NTM: variants seen among roughly 807,000 people sequenced by gnomAD.
NTM encodes IgLON family member 2.
In NTM, 13 loss-of-function variants were observed where a neutral mutation model predicts 42.1. That is an observed-to-expected ratio of 0.31 (90% CI 0.20 to 0.49). The LOEUF is 0.49. Among genes scored for constraint, NTM ranks in the 20% least tolerant of loss-of-function variants. The pLI is 0.99. For synonymous variants in NTM, 187 were observed against 179.2 expected, an observed-to-expected ratio of 1.04 and a Z score of -0.35; for missense variants, 373 against 452.8, an observed-to-expected ratio of 0.82 and a Z score of 1.60.
chr11:131,576,444 C>T (rs2057940247), intron 1 of NTM, among the ~76,000 whole-genome samples: 1 of 152,116 alleles, frequency 6.6e-6, no homozygotes, highest in Non-Finnish European at 1.5e-5. Context: ...TGCCTTCACC[C>T]ATTGTCTTAT....
rs561041109 is a variant in NTM at position 132,019,740 on chromosome 11, G to C, written c.167+108092G>C. Among the ~76,000 whole-genome samples, 3 of 151,944 alleles carry C rather than the reference G, an allele frequency of 2.0e-5. No individual in the cohort carries two copies. In the South Asian group the frequency reaches 6.2e-4, roughly 32 times the overall value. On this transcript the variant is annotated intron_variant, in intron 2 of 8. Transcript: ENST00000683400. ...TTGAATCTAACATGTAGAAACCTGA[G>C]ATTATTAAATATTTTAGATTTTTAG...
chr11:131,535,649 C>T (rs1445151228), intron 1 of NTM: 1 of 152,194 alleles, frequency 6.6e-6, no homozygotes, highest in East Asian at 1.9e-4. Context: ...GCAATTACCC[C>T]AAGAGGAGCT....
chr11:131,953,811 GA>G (rs1327948172), intron 2 of NTM, among the ~76,000 whole-genome samples: 1 of 152,094 alleles, frequency 6.6e-6, no homozygotes, highest in Admixed American at 6.5e-5. Flanking sequence ...ATGAAGAGGA[GA>G]AAAGGTAAAG....
chr11:132,169,359 G>A (rs1169074321), intron 3 of NTM, among the ~76,000 whole-genome samples: 1 of 36,376 alleles, frequency 2.7e-5, no homozygotes, highest in Non-Finnish European at 6.7e-5. Context: ...TTTTGGAGAT[G>A]GAGTCTCACT....
intron 3 of NTM, among the ~76,000 whole-genome samples, chr11:132,151,198 C>G (rs2071824173): frequency 6.6e-6 from 1 of 152,220 alleles, no homozygotes; most frequent in Admixed American, 6.5e-5. Context: ...ATACTACTGT[C>G]TCCATTGTTC....
Position 131,424,602 on chromosome 11 carries a change from T to TTTTTTTC in NTM, c.82+53720_82+53721insCTTTTTT, listed in dbSNP as rs1344454153. Among the ~76,000 whole-genome samples, 120 of 129,064 alleles carry TTTTTTTC rather than the reference T, an allele frequency of 9.3e-4. 5 individuals are homozygous for TTTTTTTC. The highest frequency in any genetic ancestry group is 4.0e-3 in the Middle Eastern group (1 of 252). 84.7% of individuals were successfully genotyped at this position (129,064 alleles called of 152,430 possible). ...TTGTTTTTTATTTCTTTTCTTTTCTTTTTTTTTTTTTTTTTTGGCGCAATC... is the reference window on the plus strand; with the variant it reads ...TTGTTTTTTATTTCTTTTCTTTTCTTTTTTTTCTTTTTTTTTTTTTTTTGGCGCAATC... On this transcript the variant is annotated intron_variant, in intron 1 of 8. Transcript: ENST00000683400.
At chr11:132,077,467 G>A (rs905326072) in intron 2 of NTM, among the ~76,000 whole-genome samples, 1 of 152,184 alleles carries the variant, frequency 6.6e-6, no homozygotes, top group Non-Finnish European at 1.5e-5. Flanking sequence ...GCCCTTAGAA[G>A]CCAGGAACTG....
intron 2 of NTM, among the ~76,000 whole-genome samples, chr11:132,127,144 C>T (rs1056142816): frequency 6.6e-6 from 1 of 152,176 alleles, no homozygotes; most frequent in Non-Finnish European, 1.5e-5. Flanking sequence ...TGGGTTGACT[C>T]TGCCCTCTGG....
intron 2 of NTM, among the ~76,000 whole-genome samples, chr11:132,006,940 C>T (rs2070924571): frequency 6.6e-6 from 1 of 152,172 alleles, no homozygotes; most frequent in Non-Finnish European, 1.5e-5. Context: ...TGAGAGGCAG[C>T]TACAAATGAC....
chr11:131,763,413 C>T (rs778592279), intron 1 of NTM, among the ~76,000 whole-genome samples: 5 of 152,200 alleles, frequency 3.3e-5, no homozygotes, highest in Non-Finnish European at 2.9e-5. Context: ...CAATGCAGGT[C>T]GTTGAAGAGT....
rs371837432 is a variant in NTM, at chr11:131,862,007, C to T, written c.83-49557C>T. Among the ~76,000 whole-genome samples the T allele has an allele frequency of 9.3e-4, 142 of 152,336 alleles. 1 individual carries two copies. The highest frequency in any genetic ancestry group is 3.0e-3 in the African/African-American group (125 of 41,590). ...AGCTCACCTGACTCTTCGTTGGCTG[C>T]TCTTAGTGCGGTCTCAAGGACCACA... On this transcript the variant is annotated intron_variant, in intron 1 of 8. Coordinates refer to ENST00000683400, the MANE Select transcript of NTM (RefSeq NM_001352005.2).
intron 3 of NTM, among the ~76,000 whole-genome samples, chr11:132,176,944 G>C (rs1187088840): frequency 6.6e-6 from 1 of 151,898 alleles, no homozygotes; most frequent in Non-Finnish European, 1.5e-5. Flanking sequence ...GGCCAGGCTG[G>C]TCTCGAACTC....
chr11:132,224,801 C>G (rs73040245), intron 4 of NTM, among the ~76,000 whole-genome samples: 11,033 of 152,270 alleles, frequency 0.072, 556 homozygotes, highest in Middle Eastern at 0.14. Context: ...CTGCCAGAAC[C>G]TGATGCTTGG....
chr11:132,017,918 C>T (rs1859189744), intron 2 of NTM, among the ~76,000 whole-genome samples: 1 of 151,890 alleles, frequency 6.6e-6, no homozygotes, highest in South Asian at 2.1e-4. Flanking sequence ...TCATGTTCGG[C>T]TTGTTTATTG....
chr11:131,647,321 G>T (rs1403282438), intron 1 of NTM, among the ~76,000 whole-genome samples: 2 of 152,222 alleles, frequency 1.3e-5, no homozygotes, highest in South Asian at 2.1e-4. Flanking sequence ...TAGCTGCGCG[G>T]ATGGACATCA....
intron 1 of NTM, among the ~76,000 whole-genome samples, chr11:131,740,655 GTCTCTC>G (rs2081066922): frequency 1.3e-5 from 2 of 152,008 alleles, no homozygotes; most frequent in African/African-American, 4.8e-5. Context: ...TAATCCATGA[GTCTCTC>G]TCTGTCTCTG....
chr11:131,945,033 A>G (rs771265166), intron 2 of NTM, among the ~76,000 whole-genome samples: 1 of 152,188 alleles, frequency 6.6e-6, no homozygotes, highest in Non-Finnish European at 1.5e-5. Context: ...ATTGGTGTGT[A>G]GTCAGATTTC....
intron 1 of NTM, among the ~76,000 whole-genome samples, chr11:131,839,312 T>G (rs1810309499): frequency 6.6e-6 from 1 of 152,228 alleles, no homozygotes; most frequent in Admixed American, 6.5e-5. Context: ...AGAAATGGAT[T>G]AAAGAATTGG....
At chr11:131,719,845 G>A (rs952817781) in intron 1 of NTM, among the ~76,000 whole-genome samples, 8 of 152,168 alleles carry the variant, frequency 5.3e-5, no homozygotes, top group Non-Finnish European at 8.8e-5. Context: ...AACTTTAGGC[G>A]AAACTCACAA....
Sources: allele counts gnomAD v4.1 joint callset (sites outside exome capture counted in the v4.1 genomes callset), GRCh38; gene constraint gnomAD v4.1.1; transcripts MANE v1.5; gene names NCBI Gene and HGNC (gene_info 2026-07-23, HGNC 2026-07-21).